LUC7L3: variants seen among roughly 807,000 people sequenced by gnomAD.
LUC7L3 encodes the protein LUC7 like 3 pre-mRNA splicing factor.
A neutral mutation model predicts 66.8 loss-of-function variants in LUC7L3; 6 were observed. The observed-to-expected ratio is 0.09, with a 90% CI of 0.05 to 0.18. The LOEUF is 0.18. LUC7L3 is among the 10% of genes least tolerant of loss of function. The pLI is 1.00. For missense variants in LUC7L3, 341 were observed against 531.1 expected (o/e 0.64, Z 3.52); for synonymous variants, 160 against 174.7 (o/e 0.92, Z 0.66).
At chr17:50,740,971 G>A (rs1567871261) in intron 3 of LUC7L3, 131 bp from the exon 4 acceptor site, 1 of 845,800 alleles carries the variant, frequency 1.2e-6, no homozygotes, top group Admixed American at 1.9e-5. Flanking sequence ...CAATCAGAAA[G>A]TCACTTCAAA....
chr17:50,729,936 A>ATG (rs1969469187), intron 1 of LUC7L3, among the ~76,000 whole-genome samples: 3 of 29,282 alleles, frequency 1.0e-4, no homozygotes, highest in African/African-American at 3.9e-4. Flanking sequence ...ATATATATAT[A>ATG]TATATATATG....
chr17:50,723,783 T>A, intron 1 of LUC7L3: 1 of 335,732 alleles, frequency 3.0e-6, no homozygotes, highest in Non-Finnish European at 5.9e-6. Flanking sequence ...ATTGCAGGTG[T>A]GGGCCACCAC....
At chr17:50,719,948 T>C in intron 1 of LUC7L3, 117 bp downstream of exon 1, 1 of 860,704 alleles carries the variant, frequency 1.2e-6, no homozygotes, top group Admixed American at 3.0e-5. Flanking sequence ...GGGTCGAGCG[T>C]CTGACCCGGT....
chr17:50,734,704 A>G (rs1214110839), intron 1 of LUC7L3, among the ~76,000 whole-genome samples: 2 of 152,238 alleles, frequency 1.3e-5, no homozygotes, highest in Non-Finnish European at 2.9e-5. Flanking sequence ...AAAACAGTAG[A>G]AAGATACTAA....
intron 6 of LUC7L3, 127 bp from the exon 7 acceptor site, chr17:50,744,525 T>G: frequency 1.2e-6 from 1 of 835,140 alleles, no homozygotes; most frequent in South Asian, 1.9e-5. Context: ...AGTCCAATAT[T>G]ACTGATTTGG....
chr17:50,729,419 A>G (rs759121920), intron 1 of LUC7L3, among the ~76,000 whole-genome samples: 16 of 152,164 alleles, frequency 1.1e-4, no homozygotes, highest in Non-Finnish European at 1.9e-4. Context: ...CTTTTATTTT[A>G]CAATAATTTC....
At chr17:50,738,741 G>A (rs1970153762) in intron 2 of LUC7L3, among the ~76,000 whole-genome samples, 1 of 152,180 alleles carries the variant, frequency 6.6e-6, no homozygotes, top group Non-Finnish European at 1.5e-5. Flanking sequence ...CTTAATAGTT[G>A]TGGACAGAAT....
In LUC7L3 at chr17:50,741,306, T is replaced by G. The variant is rs1428988534; in HGVS notation, c.351+60T>G. On this transcript the variant is annotated intron_variant, in intron 4 of 9. Coordinates refer to ENST00000505658, the MANE Select transcript of LUC7L3 (RefSeq NM_016424.5). ...CTTGTTTTCTGGAGATTCAGAGACC[T>G]CCCTAATATTTTTGAAACTTGTCTT... The G allele has an allele frequency of 4.6e-6, 7 of 1,508,152 alleles. No homozygotes were observed. In the Admixed American group the frequency reaches 1.5e-4, roughly 33 times the overall value. The allele number at this position is 1,508,152 out of a possible 1,614,324, so 93.4% of individuals were successfully genotyped here.
Position 50,741,441 on chromosome 17 carries a change from CTT to C in LUC7L3, c.351+197_351+198del, listed in dbSNP as rs1040570567. 4.2e-6 allele frequency: 3 copies of C among 718,186 alleles called. No individual in the cohort carries two copies. In the African/African-American group the frequency reaches 5.4e-5, roughly 13 times the overall value. The allele number at this position is 718,186 out of a possible 1,614,324, so 44.5% of individuals were successfully genotyped here. ...TGATTTTGCTAACCATAAGATTTTT[CTT>C]TGTTTTTATTTTTCTTGAGGCCAAG... On this transcript the variant is annotated intron_variant, in intron 4 of 9. Coordinates refer to ENST00000505658, the MANE Select transcript of LUC7L3 (RefSeq NM_016424.5).
At chr17:50,737,188 T>C (rs1295505385) in intron 2 of LUC7L3, 162 bp downstream of exon 2, 2 of 637,772 alleles carry the variant, frequency 3.1e-6, no homozygotes, top group African/African-American at 1.8e-5. Context: ...AATGTATTAA[T>C]AAATGTCAGT....
intron 3 of LUC7L3, 118 bp downstream of exon 3, chr17:50,740,463 G>A (rs8065773): frequency 4.4e-6 from 4 of 916,066 alleles, no homozygotes; most frequent in East Asian, 2.6e-5. Context: ...AGTCCAGTCA[G>A]TGGCTGGGGA....
intron 8 of LUC7L3, 52 bp downstream of exon 8, chr17:50,746,055 CAATAAT>C (rs778309095): frequency 2.0e-6 from 3 of 1,525,748 alleles, no homozygotes; most frequent in Non-Finnish European, 1.7e-6. Context: ...TGTGCAATAA[CAATAAT>C]AACTACTAGT....
rs961723389 is a variant in LUC7L3 at position 50,729,624 on chromosome 17, C to T, written c.100-7336C>T. Reference sequence around the variant, plus strand: ...GACTTAGGCATGCCAGTTCACCTACCGTGCACAGCTTTGGGATGTGGAAGG... The same window carrying T: ...GACTTAGGCATGCCAGTTCACCTACTGTGCACAGCTTTGGGATGTGGAAGG... On this transcript the variant is annotated intron_variant, in intron 1 of 9. Transcript: ENST00000505658. 2.6e-5 allele frequency among the ~76,000 whole-genome samples: 4 copies of T among 152,016 alleles called. No individual in the cohort carries two copies. The South Asian group carries it at 6.2e-4, about 24-fold the overall frequency.
chr17:50,737,085 G>T (rs1365941828), intron 2 of LUC7L3, 59 bp downstream of exon 2: 1 of 1,260,020 alleles, frequency 7.9e-7, no homozygotes, highest in South Asian at 1.3e-5. Flanking sequence ...TGTTGAATAG[G>T]AGTGGTGAAA....
intron 9 of LUC7L3, among the ~76,000 whole-genome samples, chr17:50,749,675 A>G (rs1234326942): frequency 1.3e-5 from 2 of 152,194 alleles, no homozygotes; most frequent in Admixed American, 1.3e-4. Flanking sequence ...GGGGAAAAGT[A>G]ATTTTTCCAG....
intron 4 of LUC7L3, 92 bp downstream of exon 4, chr17:50,741,338 A>G: frequency 5.5e-6 from 7 of 1,277,922 alleles, no homozygotes; most frequent in Non-Finnish European, 7.5e-6. Context: ...TCTTCTGTTC[A>G]TTACTTTGTT....
chr17:50,743,982 A>G (rs187602783), intron 6 of LUC7L3, among the ~76,000 whole-genome samples, 172 bp downstream of exon 6: 51 of 152,384 alleles, frequency 3.3e-4, no homozygotes, highest in Non-Finnish European at 2.5e-4. Context: ...TATGCAAGCA[A>G]CTTTATATAG....
chr17:50,740,344 C>G lies in LUC7L3; in HGVS notation c.205C>G (p.Gln69Glu), dbSNP rs751079617. The part of the protein sequence containing the change: ...EKIHDENLRK[Q>E]YEKSSRFMKV... ...AATTCATGATGAAAATCTACGAAAA[C>G]AGTAAGTTATTTTGCTTGTCATTTC... Residue 69 changes from glutamine (Q) to glutamate (E), a missense_variant and splice_region_variant, in exon 3 of 10, where the codon CAG (glutamine) becomes GAG (glutamate). Transcript: ENST00000505658. The G allele has an allele frequency of 3.7e-6, 6 of 1,603,758 alleles. No homozygotes were observed.
chr17:50,719,674 C>T lies in LUC7L3; in HGVS notation c.-59C>T. ...GCCGAGGAGATTGGCGACGGTGTCG[C>T]CCGTGTTTTCGTTGGCGGGTGCCTG... On this transcript the variant is annotated 5_prime_UTR_variant, in exon 1 of 10. Transcript: ENST00000505658. 2 of 1,414,344 alleles carry T rather than the reference C, an allele frequency of 1.4e-6. No homozygotes were observed. The highest frequency in any genetic ancestry group is 9.9e-7 in the Non-Finnish European group (1 of 1,012,768). The allele number at this position is 1,414,344 out of a possible 1,614,324, so 87.6% of individuals were successfully genotyped here.
Sources: allele counts gnomAD v4.1 joint callset (sites outside exome capture counted in the v4.1 genomes callset), GRCh38; gene constraint gnomAD v4.1.1; transcripts MANE v1.5; gene names NCBI Gene and HGNC (gene_info 2026-07-23, HGNC 2026-07-21).